The following ZBTB49 variants were observed in gnomAD, a reference collection of about 807,000 sequenced individuals.
ZBTB49 encodes zinc finger and BTB domain-containing protein 49.
A neutral mutation model predicts 57.5 loss-of-function variants in ZBTB49; 43 were observed. That is an observed-to-expected ratio of 0.75 (90% CI 0.59 to 0.97). ZBTB49 has a LOEUF of 0.97. Among genes scored for constraint, ZBTB49 ranks in the 50% least tolerant of loss-of-function variants. The pLI, the probability that ZBTB49 is intolerant of heterozygous loss-of-function variation, is 0.00. For missense variants in ZBTB49, 938 were observed against 947.7 expected (o/e 0.99, Z 0.13); for synonymous variants, 369 against 362.1 (o/e 1.02, Z -0.22).
At position 4,306,203 on chromosome 4, in the gene ZBTB49, A is replaced by G. The variant is rs574351852; in HGVS notation, c.1302+19A>G. ...CTCTCAGGTGGGAATACTCTTATTTATTGTTAATAATTGGAAACCTGCAAC... is the reference window on the plus strand; with the variant it reads ...CTCTCAGGTGGGAATACTCTTATTTGTTGTTAATAATTGGAAACCTGCAAC... On this transcript the variant is annotated intron_variant, in intron 4 of 7. Coordinates refer to ENST00000337872, the MANE Select transcript of ZBTB49 (RefSeq NM_145291.4). 1.9e-6 allele frequency: 3 copies of G among 1,600,614 alleles called. No individual in the cohort carries two copies. The highest frequency in any genetic ancestry group is 2.6e-6 in the Non-Finnish European group (3 of 1,169,424).
chr4:4,303,760 C>CTCTCTCTCTCTCTGTGTGTGTGTGTG lies in ZBTB49; in HGVS notation c.1255+670_1255+671insCTCTCTCTCTCTGTGTGTGTGTGTGT, dbSNP rs1223289249. Among the ~76,000 whole-genome samples the CTCTCTCTCTCTCTGTGTGTGTGTGTG allele has an allele frequency of 2.1e-3, 257 of 121,356 alleles. 3 individuals are homozygous for CTCTCTCTCTCTCTGTGTGTGTGTGTG. The highest frequency in any genetic ancestry group is 0.014 in the Middle Eastern group (3 of 214). 79.6% of individuals were successfully genotyped at this position (121,356 alleles called of 152,430 possible). ...TCTCTCTCTCTCTCTCTCTCTCTCT[C>CTCTCTCTCTCTCTGTGTGTGTGTGTG]TGTGTGTGTGTCTCTCTCTCTCTCT... On this transcript the variant is annotated intron_variant, in intron 3 of 7. Transcript: ENST00000337872.
At chr4:4,304,153 C>CT (rs1354427108) in intron 3 of ZBTB49, among the ~76,000 whole-genome samples, 2 of 152,024 alleles carry the variant, frequency 1.3e-5, no homozygotes, top group East Asian at 3.9e-4. Flanking sequence ...ATATCACAGA[C>CT]TTAGTTTTGC....
chr4:4,300,199 ATC>A, intron 2 of ZBTB49, 102 bp downstream of exon 2: 1 of 1,296,596 alleles, frequency 7.7e-7, no homozygotes, highest in Non-Finnish European at 1.1e-6. Context: ...CACTATCTTT[ATC>A]TTTTATAGCA....
intron 3 of ZBTB49, among the ~76,000 whole-genome samples, chr4:4,303,673 T>C (rs1427523204): frequency 3.3e-5 from 5 of 152,044 alleles, no homozygotes; most frequent in African/African-American, 4.8e-5. Flanking sequence ...TTTCAAAGTT[T>C]TGTTATCTTA....
intron 1 of ZBTB49, among the ~76,000 whole-genome samples, chr4:4,297,284 G>C (rs1396501016): frequency 6.6e-6 from 1 of 152,110 alleles, no homozygotes; most frequent in Non-Finnish European, 1.5e-5. Flanking sequence ...TGGCCAGGCT[G>C]GTCTCGAACT....
intron 3 of ZBTB49, among the ~76,000 whole-genome samples, chr4:4,304,469 C>T (rs970628702): frequency 2.0e-5 from 3 of 152,070 alleles, no homozygotes; most frequent in East Asian, 1.9e-4. Context: ...CTGCCCACCT[C>T]GGCCTCCCAA....
chr4:4,315,945 G>A lies in ZBTB49; in HGVS notation c.1596G>A (p.Glu532=), dbSNP rs1721178291. The change falls in exon 7 of 8, where the codon GAG becomes GAA. Residue 532 remains glutamate, a synonymous_variant. Transcript: ENST00000337872. The part of the protein sequence containing the change: ...LVKHRIRHTG[E]RPYSCSACGK... ...AGCACAGAATTCGGCACACGGGGGA[G>A]CGGCCTTACAGCTGCTCTGCCTGCG... 1 of 1,613,920 alleles carries A rather than the reference G, an allele frequency of 6.2e-7. No individual in the cohort carries two copies. The highest frequency in any genetic ancestry group is 1.3e-5 in the African/African-American group (1 of 74,926).
In ZBTB49 at chr4:4,320,667, T is replaced by C; in HGVS notation, c.1649T>C (p.Leu550Pro). 3 of 1,614,094 alleles carry C rather than the reference T, an allele frequency of 1.9e-6. No individual in the cohort carries two copies. The highest frequency in any genetic ancestry group is 2.5e-6 in the Non-Finnish European group (3 of 1,180,020). ...AAATGTTTTGGGGGATCAGGTGACC[T>C]CCGCAGGCATGTCCGCACTCACACT... ...CGKCFGGSGD[L>P]RRHVRTHTGE... The change falls in exon 8 of 8, where the codon CTC becomes CCC. Residue 550 changes from leucine (L) to proline (P), a missense_variant. Leu to Pro is a moderately conservative substitution (Grantham distance 98). Coordinates refer to ENST00000337872, the MANE Select transcript of ZBTB49 (RefSeq NM_145291.4).
chr4:4,302,510 A>G lies in ZBTB49; in HGVS notation c.674A>G (p.His225Arg). ...KLRNFYSKQYHKHAAGPSQER... is the reference protein window; with the variant it reads ...KLRNFYSKQYRKHAAGPSQER... ...AGAAACTTTTACAGTAAGCAGTACC[A>G]TAAACACGCAGCTGGTCCCAGTCAG... Residue 225 changes from histidine (H) to arginine (R), a missense_variant, in exon 3 of 8, where the codon CAT becomes CGT. By Grantham distance (29) the His-to-Arg change is conservative (BLOSUM62 0). Around this residue, in one of 3 missense-constraint regions of ZBTB49, gnomAD observed 835 missense variants for 819.1 expected, o/e 1.02. Transcript: ENST00000337872. The G allele has an allele frequency of 6.2e-7, 1 of 1,614,128 alleles. No individual in the cohort carries two copies. Among genetic ancestry groups the G allele is most frequent in the East Asian group, 2.2e-5 (1 of 44,886 alleles).
At chr4:4,304,223 C>A (rs1720640713) in intron 3 of ZBTB49, among the ~76,000 whole-genome samples, 1 of 132,538 alleles carries the variant, frequency 7.5e-6, no homozygotes, top group South Asian at 2.4e-4. Flanking sequence ...ATGATTACTG[C>A]AATTTTTTTT....
At chr4:4,301,697 ATCAG>A (rs1266778222) in intron 2 of ZBTB49, among the ~76,000 whole-genome samples, 1 of 152,098 alleles carries the variant, frequency 6.6e-6, no homozygotes, top group Non-Finnish European at 1.5e-5. Context: ...TTTGTGGTTT[ATCAG>A]TCATATAAAT....
rs538722101 is a variant in ZBTB49, at chr4:4,295,305, G to A, written c.-19-4622G>A. 5.3e-5 allele frequency among the ~76,000 whole-genome samples: 8 copies of A among 152,212 alleles called. No individual in the cohort carries two copies. The East Asian group carries it at 1.4e-3, about 26-fold the overall frequency. ...GGCAGCAGGGGAGAGAGAACCGGGT[G>A]GGGGGAGCAGGGACTGCCAAACATT... On this transcript the variant is annotated intron_variant, in intron 1 of 7. Coordinates refer to ENST00000337872, the MANE Select transcript of ZBTB49 (RefSeq NM_145291.4).
At position 4,320,888 on chromosome 4, in the gene ZBTB49, A is replaced by G; in HGVS notation, c.1870A>G (p.Thr624Ala). The G allele has an allele frequency of 3.1e-6, 5 of 1,614,208 alleles. No individual in the cohort carries two copies. The highest frequency in any genetic ancestry group is 4.2e-6 in the Non-Finnish European group (5 of 1,180,036). ...SDSFSQDTSVTLMPVSVKLPV... is the reference protein window; with the variant it reads ...SDSFSQDTSVALMPVSVKLPV... ...CTCTTTCTCCCAAGACACGTCTGTG[A>G]CGCTGATGCCAGTGTCGGTTAAACT... is the stretch of plus-strand genomic sequence containing the variant. Residue 624 changes from threonine (T) to alanine (A), a missense_variant, in exon 8 of 8, where the codon ACG becomes GCG. Transcript: ENST00000337872.
At chr4:4,315,751 G>C (rs1049712416) in intron 6 of ZBTB49, 33 bp downstream of exon 6, 1 of 1,613,734 alleles carries the variant, frequency 6.2e-7, no homozygotes, top group Non-Finnish European at 8.5e-7. Context: ...TCTTCTTGAA[G>C]ATTTCTGATT....
intron 2 of ZBTB49, among the ~76,000 whole-genome samples, chr4:4,300,432 G>GGAA (rs1720425020): frequency 2.0e-5 from 3 of 152,090 alleles, no homozygotes; most frequent in Admixed American, 2.0e-4. Context: ...AAATGATGGA[G>GGAA]GAATTAAGTT....
intron 7 of ZBTB49, 140 bp from the exon 8 acceptor site, chr4:4,320,500 C>A: frequency 1.1e-6 from 1 of 925,386 alleles, no homozygotes; most frequent in Non-Finnish European, 1.6e-6. Flanking sequence ...ATTAGCCAGG[C>A]GTGGTGTCAT....
intron 4 of ZBTB49, 125 bp from the exon 5 acceptor site, chr4:4,312,916 C>T: frequency 9.5e-7 from 1 of 1,052,502 alleles, no homozygotes; most frequent in East Asian, 2.7e-5. Flanking sequence ...TTGTGTGTAG[C>T]TCATCTTCAT....
chr4:4,294,296 G>A (rs1720084924), intron 1 of ZBTB49, among the ~76,000 whole-genome samples: 1 of 151,942 alleles, frequency 6.6e-6, no homozygotes, highest in Admixed American at 6.6e-5. Context: ...TAACCTTACT[G>A]GGGAGGTACA....
intron 7 of ZBTB49, among the ~76,000 whole-genome samples, 192 bp downstream of exon 7, chr4:4,316,162 G>T (rs1391135808): frequency 6.6e-6 from 1 of 152,146 alleles, no homozygotes; most frequent in African/African-American, 2.4e-5. Context: ...TGAGGTATTA[G>T]GAACTGTCCT....
Sources: allele counts gnomAD v4.1 joint callset (sites outside exome capture counted in the v4.1 genomes callset), GRCh38; gene constraint gnomAD v4.1.1; regional missense constraint gnomAD v4.1.1; transcripts MANE v1.5; gene names NCBI Gene and HGNC (gene_info 2026-07-23, HGNC 2026-07-21).